ERMP1: variants seen among roughly 807,000 people sequenced by gnomAD.
ERMP1 encodes Felix-ina.
In ERMP1, 86 loss-of-function variants were observed where a neutral mutation model predicts 92.0. The observed-to-expected ratio is 0.93, with a 90% CI of 0.79 to 1.12. The LOEUF (loss-of-function observed/expected upper bound fraction) is 1.12, where lower values mean the gene tolerates loss of function less well. Ranked by LOEUF, ERMP1 falls within the 50% of genes most tolerant of loss-of-function variation. The pLI is 0.00. For synonymous variants in ERMP1, 530 were observed against 412.8 expected (o/e 1.28, Z -3.44); for missense variants, 1,342 against 1,116.3 (o/e 1.20, Z -2.88).
chr9:5,840,821 C>T (rs1830154415), intron 6 of ERMP1, among the ~76,000 whole-genome samples: 1 of 152,186 alleles, frequency 6.6e-6, no homozygotes, highest in African/African-American at 2.4e-5. Flanking sequence ...ATTTGCATGG[C>T]ATTAAAACCT....
chr9:5,866,148 C>T (rs925907450), intron 5 of ERMP1, among the ~76,000 whole-genome samples: 6 of 152,162 alleles, frequency 3.9e-5, no homozygotes, highest in Non-Finnish European at 5.9e-5. Flanking sequence ...ACACATAATA[C>T]ACTTCCATTT....
In ERMP1 at chr9:5,787,248, C is replaced by G. The variant is rs1271715392; in HGVS notation, c.2611G>C (p.Gly871Arg). 1 of 1,613,952 alleles carries G rather than the reference C, an allele frequency of 6.2e-7. No individual in the cohort carries two copies. Among genetic ancestry groups the G allele is most frequent in the Non-Finnish European group, 8.5e-7 (1 of 1,179,996 alleles). Residue 871 changes from glycine (G) to arginine (R), a missense_variant, in exon 15 of 15, where the codon GGG becomes CGG. Physicochemically the swap from Gly to Arg is moderately radical, Grantham distance 125. Transcript: ENST00000339450. ...TVAIAAHYLS[G>R]EDKRSPQLDA... ...AGTTGAGGGGATCTCTTGTCTTCCCCAGACAGATAGTGGGCAGCAATGGCC... is the reference window on the plus strand; with the variant it reads ...AGTTGAGGGGATCTCTTGTCTTCCCGAGACAGATAGTGGGCAGCAATGGCC...
intron 13 of ERMP1, among the ~76,000 whole-genome samples, chr9:5,794,696 C>A (rs1174794250): frequency 1.3e-5 from 2 of 151,984 alleles, no homozygotes; most frequent in African/African-American, 4.8e-5. Context: ...AAGTTCACAC[C>A]ATGAGAAACT....
chr9:5,802,038 A>C (rs558083625), intron 10 of ERMP1, among the ~76,000 whole-genome samples: 1 of 152,228 alleles, frequency 6.6e-6, no homozygotes, highest in Non-Finnish European at 1.5e-5. Flanking sequence ...CAGATCCCTT[A>C]CAGGGTCTGA....
intron 3 of ERMP1, 33 bp from the exon 4 acceptor site, chr9:5,824,034 TAAAC>T (rs1385456482): frequency 1.3e-6 from 2 of 1,524,676 alleles, no homozygotes; most frequent in African/African-American, 2.7e-5. Flanking sequence ...AAATATTTGT[TAAAC>T]AATCTTAAAT....
chr9:5,811,964 GACTAAAATTCAAGATCTCATCTCTCCA>G (rs773498318), intron 6 of ERMP1, among the ~76,000 whole-genome samples, 134 bp downstream of exon 6: 81 of 152,234 alleles, frequency 5.3e-4, no homozygotes, highest in Non-Finnish European at 1.1e-3. Flanking sequence ...TAGACTACAA[GACTAAAATTCAAGATCTCATCTCTCCA>G]ACTCCAAAGC....
chr9:5,832,477 G>A (rs1829985255), intron 1 of ERMP1: 7 of 469,078 alleles, frequency 1.5e-5, no homozygotes, highest in African/African-American at 8.2e-5. Flanking sequence ...TCTGCACCAC[G>A]AGCTTAACCG....
chr9:5,833,319 A>AC (rs1830033260), upstream of ERMP1, among the ~76,000 whole-genome samples: 1 of 152,060 alleles, frequency 6.6e-6, no homozygotes, highest in South Asian at 2.1e-4. Flanking sequence ...ACACCTAAAA[A>AC]CCCAAAACGA....
At chr9:5,814,275 C>A (rs1829219479) in intron 4 of ERMP1, among the ~76,000 whole-genome samples, 1 of 152,118 alleles carries the variant, frequency 6.6e-6, no homozygotes, top group African/African-American at 2.4e-5. Flanking sequence ...CAAAATGCAA[C>A]ACGAGCAAGA....
chr9:5,794,658 C>G (rs933839642), intron 13 of ERMP1, among the ~76,000 whole-genome samples: 3 of 152,016 alleles, frequency 2.0e-5, no homozygotes, highest in Non-Finnish European at 4.4e-5. Context: ...ATAAAATGAA[C>G]CAATTCTTTA....
rs190144417 is a variant in ERMP1 at position 5,810,258 on chromosome 9, A to G, written c.1328-27T>C. 2.5e-5 allele frequency: 38 copies of G among 1,544,746 alleles called. No homozygotes were observed. In the African/African-American group the frequency reaches 4.9e-4, roughly 20 times the overall value. On this transcript the variant is annotated intron_variant, in intron 7 of 14. Transcript: ENST00000339450. ...TAATGAAGAGAAAACAAAAAGTTGA[A>G]ATCACCATCTTCATCAAATCAGTTA...
intron 6 of ERMP1, among the ~76,000 whole-genome samples, chr9:5,851,555 G>T (rs1378757454): frequency 2.6e-5 from 4 of 152,170 alleles, no homozygotes; most frequent in African/African-American, 7.2e-5. Flanking sequence ...GCCTTACACA[G>T]GGTGGTGCTC....
At position 5,785,132 on chromosome 9, in the gene ERMP1, A is replaced by T. The variant is rs1306583378; in HGVS notation, c.*2012T>A. On this transcript the variant is annotated 3_prime_UTR_variant, in exon 15 of 15. Transcript: ENST00000339450. ...CATCTTACTACTGACCTTGTACAATACCAAAGCTTCATAATGCTAAAGAAA... is the reference window on the plus strand; with the variant it reads ...CATCTTACTACTGACCTTGTACAATTCCAAAGCTTCATAATGCTAAAGAAA... 6.6e-6 allele frequency: 1 copy of T among 152,202 alleles called. No individual in the cohort carries two copies. Among genetic ancestry groups the T allele is most frequent in the East Asian group, 1.9e-4 (1 of 5,202 alleles). The allele number at this position is 152,202 out of a possible 1,614,324, so 9.4% of individuals were successfully genotyped here. A position where few individuals can be genotyped will look rare whatever the true frequency, so the allele number is the denominator to read the frequency against.
chr9:5,865,459 G>C (rs1368411270), intron 5 of ERMP1, among the ~76,000 whole-genome samples: 3 of 150,748 alleles, frequency 2.0e-5, no homozygotes, highest in African/African-American at 7.3e-5. Flanking sequence ...AGTGAGCCGA[G>C]ATCGCGCCAC....
chr9:5,798,855 C>G lies in ERMP1; in HGVS notation c.2221G>C (p.Ala741Pro). 6.8e-6 allele frequency: 11 copies of G among 1,613,872 alleles called. No individual in the cohort carries two copies. The highest frequency in any genetic ancestry group is 5.1e-6 in the Non-Finnish European group (6 of 1,179,880). The change falls in exon 12 of 15, where the codon GCA becomes CCA. Residue 741 changes from alanine to proline, a missense_variant. Transcript: ENST00000339450. ...TACCAAGGAAAACCACAAAGAGGTG[C>G]ATTCTCCTCACAGTGAGCTCGGATA... ...DSIRAHCEENAPLCGFPWYLP... is the reference protein window; with the variant it reads ...DSIRAHCEENPPLCGFPWYLP...
chr9:5,831,780 A>C (rs183744557), intron 1 of ERMP1, among the ~76,000 whole-genome samples: 2 of 152,314 alleles, frequency 1.3e-5, no homozygotes, highest in African/African-American at 4.8e-5. Context: ...TGATGGACCT[A>C]GCCCTCCTAG....
chr9:5,866,385 G>A (rs187514631), intron 5 of ERMP1, among the ~76,000 whole-genome samples: 4 of 152,306 alleles, frequency 2.6e-5, no homozygotes, highest in East Asian at 3.9e-4. Context: ...AGTAGGCAGA[G>A]GATTGTTGGA....
intron 6 of ERMP1, among the ~76,000 whole-genome samples, chr9:5,857,844 A>G (rs1830399012): frequency 6.6e-6 from 1 of 152,218 alleles, no homozygotes; most frequent in Non-Finnish European, 1.5e-5. Flanking sequence ...GCAATAAGCT[A>G]TGTTCTGTGA....
chr9:5,813,199 A>C (rs1246143392), intron 4 of ERMP1, among the ~76,000 whole-genome samples, 164 bp from the exon 5 acceptor site: 1 of 152,192 alleles, frequency 6.6e-6, no homozygotes, highest in Non-Finnish European at 1.5e-5. Flanking sequence ...TTTCTCTGAT[A>C]TATGTGTTTG....
Sources: allele counts gnomAD v4.1 joint callset (sites outside exome capture counted in the v4.1 genomes callset), GRCh38; gene constraint gnomAD v4.1.1; transcripts MANE v1.5; gene names NCBI Gene and HGNC (gene_info 2026-07-23, HGNC 2026-07-21).